Variants in TEAD1 observed in about 807,000 individuals in gnomAD.
TEAD1 encodes TEA domain transcription factor 1.
A neutral mutation model predicts 54.9 loss-of-function variants in TEAD1; 9 were observed. The observed-to-expected ratio is 0.16, with a 90% confidence interval of 0.10 to 0.29. The LOEUF is 0.29. Among genes scored for constraint, TEAD1 ranks in the 10% least tolerant of loss-of-function variants. The pLI, the probability that TEAD1 is intolerant of heterozygous loss-of-function variation, is 1.00. For synonymous variants in TEAD1, 200 were observed against 187.8 expected, an observed-to-expected ratio of 1.07 and a Z score of -0.53; for missense variants, 387 against 535.9, an observed-to-expected ratio of 0.72 and a Z score of 2.74.
intron 2 of TEAD1, among the ~76,000 whole-genome samples, chr11:12,719,566 CT>C (rs1590081985): frequency 4.2e-5 from 4 of 94,746 alleles, no homozygotes; most frequent in South Asian, 4.0e-4. Context: ...CTTTCCAGTC[CT>C]TTTTTTTGGG....
intron 2 of TEAD1, among the ~76,000 whole-genome samples, chr11:12,761,417 G>T (rs995647719): frequency 2.0e-5 from 3 of 152,196 alleles, no homozygotes; most frequent in African/African-American, 7.2e-5. Flanking sequence ...TAAGTGTGCA[G>T]TTATGATTCA....
At chr11:12,697,258 C>T (rs1943605830) in intron 2 of TEAD1, among the ~76,000 whole-genome samples, 1 of 151,742 alleles carries the variant, frequency 6.6e-6, no homozygotes, top group Non-Finnish European at 1.5e-5. Context: ...AAAAAGTGCA[C>T]AGGTGAGTAC....
chr11:12,856,226 T>C (rs1947376425), intron 3 of TEAD1, among the ~76,000 whole-genome samples: 1 of 151,698 alleles, frequency 6.6e-6, no homozygotes, highest in Non-Finnish European at 1.5e-5. Context: ...AATGACTCGG[T>C]CCATAAATGT....
At chr11:12,752,212 A>ATTTTT in intron 2 of TEAD1, among the ~76,000 whole-genome samples, 1 of 96,490 alleles carries the variant, frequency 1.0e-5, no homozygotes, top group African/African-American at 4.2e-5. Context: ...GAAACAGGGC[A>ATTTTT]GTTTTTTTTT....
chr11:12,798,529 C>T (rs935155650), intron 3 of TEAD1, among the ~76,000 whole-genome samples: 1 of 152,146 alleles, frequency 6.6e-6, no homozygotes. Flanking sequence ...ACAAGGCACT[C>T]CTCTGCACCC....
intron 2 of TEAD1, among the ~76,000 whole-genome samples, chr11:12,710,604 A>G (rs1564914356): frequency 1.3e-5 from 2 of 152,078 alleles, no homozygotes; most frequent in Non-Finnish European, 2.9e-5. Context: ...ATTATAATTT[A>G]TTTAATCAAG....
intron 2 of TEAD1, among the ~76,000 whole-genome samples, chr11:12,708,372 C>T (rs576459977): frequency 6.6e-6 from 1 of 152,102 alleles, no homozygotes; most frequent in Admixed American, 6.5e-5. Context: ...CGTGAAGAGA[C>T]ACAGTCGGTG....
At chr11:12,678,542 A>G (rs1175323963) in intron 2 of TEAD1, among the ~76,000 whole-genome samples, 2 of 152,218 alleles carry the variant, frequency 1.3e-5, no homozygotes, top group Non-Finnish European at 2.9e-5. Flanking sequence ...AAGTGATAAA[A>G]TCAGGTAATT....
At chr11:12,776,000 A>AG (rs367996148) in intron 3 of TEAD1, among the ~76,000 whole-genome samples, 20 of 149,860 alleles carry the variant, frequency 1.3e-4, no homozygotes, top group Non-Finnish European at 2.5e-4. Context: ...AAGTTACGGC[A>AG]GGGTCACAGT....
intron 4 of TEAD1, among the ~76,000 whole-genome samples, chr11:12,864,395 A>T (rs1390940459): frequency 6.6e-6 from 1 of 152,072 alleles, no homozygotes; most frequent in Non-Finnish European, 1.5e-5. Context: ...AGTGCCCATG[A>T]TTTCTCTTGG....
chr11:12,792,394 A>G (rs937352719), intron 3 of TEAD1, among the ~76,000 whole-genome samples: 1 of 150,276 alleles, frequency 6.7e-6, no homozygotes, highest in Non-Finnish European at 1.5e-5. Flanking sequence ...AGTCCTATGA[A>G]GAAAGTTTTG....
chr11:12,843,847 T>C (rs1947088921), intron 3 of TEAD1, among the ~76,000 whole-genome samples: 1 of 152,252 alleles, frequency 6.6e-6, no homozygotes, highest in Non-Finnish European at 1.5e-5. Flanking sequence ...GTGGTCACTT[T>C]TTTGTTATTA....
chr11:12,834,107 A>G (rs16911655), intron 3 of TEAD1, among the ~76,000 whole-genome samples: 5,603 of 152,286 alleles, frequency 0.037, 376 homozygotes, highest in African/African-American at 0.13. Context: ...CTGTACTTCC[A>G]ATGTGAATAA....
chr11:12,935,558 C>T (rs775044462), intron 12 of TEAD1, among the ~76,000 whole-genome samples: 4 of 152,042 alleles, frequency 2.6e-5, no homozygotes, highest in Middle Eastern at 3.2e-3. Flanking sequence ...CTCCCGGGCT[C>T]AAGTGATTCT....
At chr11:12,764,544 T>A in intron 3 of TEAD1, 110 bp downstream of exon 3, 2 of 1,325,416 alleles carry the variant, frequency 1.5e-6, no homozygotes. Context: ...GGTTGAGTGA[T>A]ATTTGTAGAA....
rs114624635 is a variant in TEAD1, at chr11:12,761,247, G to A, written c.-54-2932G>A. Among the ~76,000 whole-genome samples the A allele has an allele frequency of 3.5e-3, 538 of 152,298 alleles. 2 individuals carry two copies. The highest frequency in any genetic ancestry group is 0.012 in the African/African-American group (519 of 41,560). On this transcript the variant is annotated intron_variant, in intron 2 of 12. Coordinates refer to ENST00000527636, the MANE Select transcript of TEAD1 (RefSeq NM_021961.6). ...AAGAGGTTGTCTGCAAGACTCTGCT[G>A]CCTGTCTGCTAGAACAGCCTGCCCC...
chr11:12,776,613 C>T (rs189875069), intron 3 of TEAD1, among the ~76,000 whole-genome samples: 1 of 151,836 alleles, frequency 6.6e-6, no homozygotes. Flanking sequence ...AATAAACTTG[C>T]AATCCGAATG....
intron 12 of TEAD1, among the ~76,000 whole-genome samples, chr11:12,934,392 G>T (rs1949064313): frequency 6.6e-6 from 1 of 152,084 alleles, no homozygotes; most frequent in East Asian, 1.9e-4. Context: ...CTGTTGTGGG[G>T]TGGGAGTAGA....
Position 12,939,981 on chromosome 11 carries a change from G to A in TEAD1, c.*2759G>A, listed in dbSNP as rs145242204. 39 of 152,286 alleles carry A rather than the reference G, an allele frequency of 2.6e-4. No individual in the cohort carries two copies. The highest frequency in any genetic ancestry group is 8.4e-4 in the African/African-American group (35 of 41,538). The allele number at this position is 152,286 out of a possible 1,614,324, so 9.4% of individuals were successfully genotyped here. A position where few individuals can be genotyped will look rare whatever the true frequency, so the allele number is the denominator to read the frequency against. ...ACTAAAGAAGCCTTCCCAGAGCCCC[G>A]TCTTGCTTCTCTTCCAGGTGCTCTA... On this transcript the variant is annotated 3_prime_UTR_variant, in exon 13 of 13. Coordinates refer to ENST00000527636, the MANE Select transcript of TEAD1 (RefSeq NM_021961.6).
Sources: allele counts gnomAD v4.1 joint callset (sites outside exome capture counted in the v4.1 genomes callset), GRCh38; gene constraint gnomAD v4.1.1; transcripts MANE v1.5; gene names NCBI Gene and HGNC (gene_info 2026-07-23, HGNC 2026-07-21).